Variants in FAM156A observed in about 807,000 individuals in gnomAD.
FAM156A encodes the protein protein FAM156A/FAM156B.
intron 1 of FAM156A, among the ~76,000 whole-genome samples, chrX:52,988,181 G>A (rs1930435501): frequency 9.2e-6 from 1 of 108,371 alleles, no homozygotes; most frequent in Non-Finnish European, 1.9e-5. Context: ...GGGAGATGGA[G>A]GTTGCAGTGA....
chrX:52,987,719 C>A, intron 1 of FAM156A, among the ~76,000 whole-genome samples: 1 of 107,653 alleles, frequency 9.3e-6, no homozygotes, highest in African/African-American at 3.5e-5. Flanking sequence ...GTCTTTTCAA[C>A]AAATGGTGTT....
chrX:52,979,982 T>C (rs1929740980), intron 1 of FAM156A, among the ~76,000 whole-genome samples: 1 of 112,544 alleles, frequency 8.9e-6, no homozygotes, highest in East Asian at 2.8e-4. Flanking sequence ...TTTGGAAATT[T>C]CCAAGGGCAG....
At chrX:52,993,408 C>CTTT (rs147840894) in intron 1 of FAM156A, among the ~76,000 whole-genome samples, 4 of 42,569 alleles carry the variant, frequency 9.4e-5, no homozygotes, top group Admixed American at 3.6e-4. Context: ...TCTTAACTTT[C>CTTT]TTTTTTTTTT....
chrX:52,982,561 C>T (rs991210723), intron 1 of FAM156A, among the ~76,000 whole-genome samples: 3 of 111,320 alleles, frequency 2.7e-5, no homozygotes, highest in African/African-American at 9.8e-5. Flanking sequence ...ACTATAAAGA[C>T]ACTCAATGTA....
chrX:52,994,193 A>G (rs114589189), intron 1 of FAM156A, among the ~76,000 whole-genome samples: 1,314 of 110,398 alleles, frequency 0.012, 12 homozygotes, highest in African/African-American at 0.041. Context: ...ACAACCTGAA[A>G]CAGACTCCAA....
intron 1 of FAM156A, among the ~76,000 whole-genome samples, chrX:52,993,491 T>G (rs1930949012): frequency 1.0e-5 from 1 of 99,593 alleles, no homozygotes; most frequent in Admixed American, 1.2e-4. Flanking sequence ...TTTGGCTCAC[T>G]GCAAACTCCG....
rs1156303085 is a variant in FAM156A at position 52,980,782 on chromosome X, C to CTGTGTGTGTGTG, written c.-434+14512_-434+14523dup. ...AAGCAGCCTTTTGGTTAGGGTTCCT[C>CTGTGTGTGTGTG]TGTGTGTGTGTGTGTGTGTGTGTGT... On this transcript the variant is annotated intron_variant, in intron 1 of 4. Transcript: ENST00000610625. 3.1e-3 allele frequency among the ~76,000 whole-genome samples: 119 copies of CTGTGTGTGTGTG among 38,449 alleles called. 2 individuals are homozygous for CTGTGTGTGTGTG. The highest frequency in any genetic ancestry group is 9.4e-3 in the East Asian group (9 of 956). 33.4% of individuals were successfully genotyped at this position (38,449 alleles called of 115,157 possible).
chrX:52,981,759 T>A (rs1476702750), intron 1 of FAM156A, among the ~76,000 whole-genome samples: 1 of 110,856 alleles, frequency 9.0e-6, no homozygotes, highest in Non-Finnish European at 1.9e-5. Context: ...CAGGTGTAAT[T>A]GTGCACTCGG....
At chrX:52,989,668 T>C (rs1320560661) in intron 1 of FAM156A, among the ~76,000 whole-genome samples, 1 of 112,353 alleles carries the variant, frequency 8.9e-6, no homozygotes, top group Admixed American at 9.4e-5. Flanking sequence ...TCCTGGTCCC[T>C]GTCTCCCCAA....
intron 1 of FAM156A, among the ~76,000 whole-genome samples, chrX:52,994,055 C>T (rs1458853661): frequency 9.0e-6 from 1 of 111,133 alleles, no homozygotes; most frequent in African/African-American, 3.3e-5. Flanking sequence ...TCATGTCTGC[C>T]AGCCTCCAAA....
chrX:52,975,572 A>G (rs1360911292), intron 1 of FAM156A, among the ~76,000 whole-genome samples: 1 of 112,122 alleles, frequency 8.9e-6, no homozygotes, highest in Non-Finnish European at 1.9e-5. Flanking sequence ...AATGACCACA[A>G]CAACCTATAT....
chrX:52,982,923 C>T (rs782098015), intron 1 of FAM156A, among the ~76,000 whole-genome samples: 8 of 113,041 alleles, frequency 7.1e-5, no homozygotes, highest in African/African-American at 1.3e-4. Flanking sequence ...AAGGTGTGTA[C>T]ACCAGGAGAA....
intron 1 of FAM156A, among the ~76,000 whole-genome samples, chrX:52,974,228 G>A (rs7051664): frequency 0.17 from 19,159 of 111,751 alleles, 1,242 homozygotes; most frequent in Middle Eastern, 0.24. Context: ...AATAGCAGAA[G>A]GCTGGGGAGA....
intron 1 of FAM156A, among the ~76,000 whole-genome samples, chrX:52,978,304 T>C (rs1276179797): frequency 6.2e-5 from 7 of 112,073 alleles, no homozygotes; most frequent in Admixed American, 4.7e-4. Context: ...CTCCAGAACA[T>C]GCCCCAGGGA....
chrX:52,984,517 C>A (rs1321931849), intron 1 of FAM156A, among the ~76,000 whole-genome samples: 1 of 112,469 alleles, frequency 8.9e-6, no homozygotes, highest in Non-Finnish European at 1.9e-5. Context: ...TAAGGGAAGT[C>A]TCAGGCTTCC....
chrX:52,993,289 T>G (rs1210991448), intron 1 of FAM156A, among the ~76,000 whole-genome samples: 2 of 110,507 alleles, frequency 1.8e-5, no homozygotes, highest in East Asian at 5.6e-4. Flanking sequence ...CAAGGCCTGC[T>G]CCTCACTGCC....
chrX:52,975,133 G>T (rs1929363943), intron 1 of FAM156A, among the ~76,000 whole-genome samples: 1 of 107,648 alleles, frequency 9.3e-6, no homozygotes, highest in African/African-American at 3.4e-5. Flanking sequence ...GCAGCTTCTG[G>T]GAAGCCACCT....
intron 1 of FAM156A, among the ~76,000 whole-genome samples, chrX:52,990,999 G>A (rs1371598946): frequency 9.0e-6 from 1 of 111,035 alleles, no homozygotes; most frequent in Non-Finnish European, 1.9e-5. Context: ...TGACAGTCAC[G>A]GAGTTGGGTG....
intron 1 of FAM156A, among the ~76,000 whole-genome samples, chrX:52,984,887 AC>A (rs1930162616): frequency 9.2e-6 from 1 of 109,025 alleles, no homozygotes; most frequent in African/African-American, 3.4e-5. Context: ...AAAAACAAAA[AC>A]AAAAAAAAAA....
Sources: allele counts gnomAD v4.1 joint callset (sites outside exome capture counted in the v4.1 genomes callset), GRCh38; gene constraint gnomAD v4.1.1; transcripts MANE v1.5; gene names NCBI Gene and HGNC (gene_info 2026-07-23, HGNC 2026-07-21).